Variants in DCDC1 observed in about 807,000 individuals in gnomAD.
The protein encoded by DCDC1 is doublecortin domain containing 1, also known as doublecortin domain-containing protein 1.
Under a neutral mutation model 178.3 loss-of-function variants are expected in DCDC1, and 200 were observed. The observed-to-expected ratio is 1.12, with a 90% CI of 1.00 to 1.26. The LOEUF (loss-of-function observed/expected upper bound fraction) is 1.26. Ranked by LOEUF, DCDC1 falls within the 50% of genes most tolerant of loss-of-function variation. DCDC1 has a pLI of 0.00. For synonymous variants in DCDC1, 690 were observed against 604.8 expected, an observed-to-expected ratio of 1.14 and a Z score of -2.07; for missense variants, 1,983 against 1,749.2, an observed-to-expected ratio of 1.13 and a Z score of -2.38.
At chr11:30,914,616 A>G (rs544341441) in intron 27 of DCDC1, among the ~76,000 whole-genome samples, 5 of 146,052 alleles carry the variant, frequency 3.4e-5, no homozygotes, top group Admixed American at 7.0e-5. Context: ...GATTAAAGAA[A>G]TGTTCCATAT....
At chr11:31,306,940 T>C (rs577267364) in intron 4 of DCDC1, among the ~76,000 whole-genome samples, 2 of 152,270 alleles carry the variant, frequency 1.3e-5, no homozygotes, top group African/African-American at 4.8e-5. Context: ...CGGTGAAGAT[T>C]TCTAAGTTTT....
At chr11:30,898,508 A>T (rs1417358279) in intron 34 of DCDC1, among the ~76,000 whole-genome samples, 3 of 152,200 alleles carry the variant, frequency 2.0e-5, no homozygotes, top group Admixed American at 2.0e-4. Context: ...GATGCCAAGA[A>T]TGACTTCCAG....
chr11:31,050,648 G>T (rs550896262), intron 20 of DCDC1, among the ~76,000 whole-genome samples: 86 of 152,280 alleles, frequency 5.6e-4, no homozygotes, highest in African/African-American at 2.0e-3. Context: ...ATCCTCGGCT[G>T]AGAGACCCAT....
At chr11:31,196,888 G>A (rs1970754677) in intron 9 of DCDC1, among the ~76,000 whole-genome samples, 1 of 151,998 alleles carries the variant, frequency 6.6e-6, no homozygotes, top group South Asian at 2.1e-4. Flanking sequence ...GTAGTCCAGG[G>A]ACCCCAGCCA....
intron 9 of DCDC1, among the ~76,000 whole-genome samples, chr11:31,223,347 T>C (rs2136687956): frequency 6.6e-6 from 1 of 152,300 alleles, no homozygotes; most frequent in Middle Eastern, 3.4e-3. Flanking sequence ...TATGTATGTA[T>C]GCATATGTGG....
chr11:30,920,970 A>C, intron 24 of DCDC1, 35 bp from the exon 25 acceptor site: 1 of 1,578,464 alleles, frequency 6.3e-7, no homozygotes. Context: ...AAGACATATT[A>C]CTTACAATTG....
At chr11:31,369,031 G>C (rs1407926494) in intron 1 of DCDC1, among the ~76,000 whole-genome samples, 1 of 152,088 alleles carries the variant, frequency 6.6e-6, no homozygotes, top group East Asian at 1.9e-4. Context: ...CTTCGAAGAA[G>C]AACAGTTCAT....
chr11:31,113,229 A>AT (rs370579596), intron 11 of DCDC1, among the ~76,000 whole-genome samples: 98 of 152,170 alleles, frequency 6.4e-4, no homozygotes, highest in African/African-American at 2.1e-3. Context: ...TCCAAAGCAC[A>AT]TTTTTTACTG....
At chr11:31,223,108 C>T (rs376199640) in intron 9 of DCDC1, among the ~76,000 whole-genome samples, 6 of 152,090 alleles carry the variant, frequency 3.9e-5, no homozygotes, top group African/African-American at 1.2e-4. Context: ...GAGTTTAATA[C>T]AGTCACCAAC....
At chr11:31,170,804 A>G (rs1005548930) in intron 9 of DCDC1, among the ~76,000 whole-genome samples, 9 of 152,034 alleles carry the variant, frequency 5.9e-5, no homozygotes, top group Non-Finnish European at 7.4e-5. Context: ...GGATAGGAAG[A>G]TCAGCTTTTT....
rs1251426769 is a variant in DCDC1, at chr11:30,923,941, G to T, written c.2998-1303C>A. ...CAAAAATTTCTTATTTTGAACAACG[G>T]ATTTCTTTTTCTCTTTTGGACATAT... is the stretch of plus-strand genomic sequence containing the variant. On this transcript the variant is annotated intron_variant, in intron 23 of 38. Transcript: ENST00000684477. 2.6e-5 allele frequency among the ~76,000 whole-genome samples: 4 copies of T among 151,974 alleles called. No individual in the cohort carries two copies. The East Asian group carries it at 7.7e-4, about 29-fold the overall frequency.
At chr11:31,091,687 T>C (rs1326540048) in intron 16 of DCDC1, among the ~76,000 whole-genome samples, 176 bp from the exon 17 acceptor site, 1 of 152,188 alleles carries the variant, frequency 6.6e-6, no homozygotes, top group African/African-American at 2.4e-5. Context: ...TCAGAATCAG[T>C]AATCTTCTGT....
At chr11:31,306,532 A>G (rs1256777054) in intron 4 of DCDC1, 144 bp from the exon 5 acceptor site, 5 of 810,838 alleles carry the variant, frequency 6.2e-6, no homozygotes, top group Non-Finnish European at 6.8e-6. Flanking sequence ...AACTTTTTAT[A>G]GGATAAGATT....
rs536105217 is a variant in DCDC1 at position 31,209,917 on chromosome 11, C to A, written c.1221+31533G>T. On this transcript the variant is annotated intron_variant, in intron 9 of 38. Coordinates refer to ENST00000684477, the MANE Select transcript of DCDC1 (RefSeq NM_001387274.1). ...AGAGGGACAGTCAGTCCACCAGACA[C>A]AATGAGATGATGTGGGACCAGAGAA... Among the ~76,000 whole-genome samples the A allele has an allele frequency of 7.2e-5, 11 of 152,266 alleles. No individual in the cohort carries two copies. In the South Asian group the frequency reaches 8.3e-4, roughly 11 times the overall value.
At chr11:31,014,626 C>T (rs1000001445) in intron 20 of DCDC1, among the ~76,000 whole-genome samples, 5 of 152,148 alleles carry the variant, frequency 3.3e-5, no homozygotes, top group African/African-American at 1.2e-4. Context: ...TCAAAACCAG[C>T]TTAAAAGCCT....
chr11:31,144,123 TA>T (rs1214630086), intron 9 of DCDC1, among the ~76,000 whole-genome samples: 6 of 152,066 alleles, frequency 3.9e-5, no homozygotes, highest in African/African-American at 4.8e-5. Flanking sequence ...GAAACTTACT[TA>T]TTTTTTTATT....
intron 20 of DCDC1, among the ~76,000 whole-genome samples, chr11:31,019,447 A>G (rs932934591): frequency 1.3e-5 from 2 of 151,828 alleles, no homozygotes; most frequent in African/African-American, 4.8e-5. Context: ...GAAAAAATCA[A>G]TAGGGTGATA....
intron 20 of DCDC1, among the ~76,000 whole-genome samples, chr11:30,993,951 G>A (rs894958547): frequency 4.4e-4 from 67 of 152,050 alleles, no homozygotes; most frequent in South Asian, 2.1e-4. Context: ...CTCATTTTAC[G>A]AGCCAGCATT....
chr11:30,959,698 T>C (rs929162160), intron 20 of DCDC1, among the ~76,000 whole-genome samples: 6 of 152,156 alleles, frequency 3.9e-5, no homozygotes, highest in Non-Finnish European at 8.8e-5. Context: ...ATCAGTTATA[T>C]AATCCAGAAG....
Sources: allele counts gnomAD v4.1 joint callset (sites outside exome capture counted in the v4.1 genomes callset), GRCh38; gene constraint gnomAD v4.1.1; transcripts MANE v1.5; gene names NCBI Gene and HGNC (gene_info 2026-07-23, HGNC 2026-07-21).